The following TYW1B variants were observed in gnomAD, a reference collection of about 807,000 sequenced individuals.
TYW1B encodes the protein tRNA-yW synthesizing protein 1 homolog B, also known as S-adenosyl-L-methionine-dependent tRNA 4-demethylwyosine synthase TYW1B.
TYW1B carries 73 observed loss-of-function variants against 86.9 expected under a neutral mutation model. That is an observed-to-expected ratio of 0.84 (90% CI 0.70 to 1.02). The LOEUF is 1.02. Among genes scored for constraint, TYW1B ranks in the 50% least tolerant of loss-of-function variants. TYW1B has a pLI of 0.00. For missense variants in TYW1B, 637 were observed against 827.4 expected (o/e 0.77, Z 2.82); for synonymous variants, 248 against 292.8 (o/e 0.85, Z 1.56).
chr7:72,599,679 T>G (rs1811612706), intron 13 of TYW1B, among the ~76,000 whole-genome samples: 1 of 152,130 alleles, frequency 6.6e-6, no homozygotes, highest in Non-Finnish European at 1.5e-5. Flanking sequence ...AACAGGTGAT[T>G]ATAGCAAGGT....
chr7:72,721,255 T>C (rs1786895999), intron 9 of TYW1B, among the ~76,000 whole-genome samples: 1 of 152,216 alleles, frequency 6.6e-6, no homozygotes, highest in African/African-American at 2.4e-5. Flanking sequence ...CCTTTGGGTA[T>C]ACACCCAGTA....
chr7:72,688,706 G>C (rs1483020138), intron 11 of TYW1B, among the ~76,000 whole-genome samples: 2 of 152,064 alleles, frequency 1.3e-5, no homozygotes, highest in Admixed American at 6.6e-5. Flanking sequence ...ATGACTTTCC[G>C]ATCTACCCCG....
chr7:72,592,206 T>C (rs2129567844), intron 13 of TYW1B, among the ~76,000 whole-genome samples: 1 of 151,772 alleles, frequency 6.6e-6, no homozygotes, highest in Admixed American at 6.6e-5. Context: ...AGTTTATGTT[T>C]TGGGGCACAC....
chr7:72,616,965 A>C, intron 12 of TYW1B, 126 bp from the exon 13 acceptor site: 1 of 1,266,798 alleles, frequency 7.9e-7, no homozygotes. Context: ...ACAGTGAAGG[A>C]AGTGAATATA....
intron 8 of TYW1B, among the ~76,000 whole-genome samples, chr7:72,732,598 G>A (rs1342725753): frequency 6.6e-6 from 1 of 152,048 alleles, no homozygotes; most frequent in Non-Finnish European, 1.5e-5. Context: ...CAAAACTTAA[G>A]GGACAGAGCA....
chr7:72,645,730 C>A (rs1399440385), intron 11 of TYW1B, among the ~76,000 whole-genome samples: 2 of 151,966 alleles, frequency 1.3e-5, no homozygotes, highest in Non-Finnish European at 2.9e-5. Context: ...ATCTACCTTA[C>A]GGTGTTAGCA....
At chr7:72,784,467 T>C (rs1347035352) in intron 6 of TYW1B, among the ~76,000 whole-genome samples, 1 of 152,220 alleles carries the variant, frequency 6.6e-6, no homozygotes, top group African/African-American at 2.4e-5. Flanking sequence ...TTGAGTGAGA[T>C]AATCTAGTTA....
At chr7:72,766,278 C>T (rs1554468327) in intron 7 of TYW1B, among the ~76,000 whole-genome samples, 1 of 152,210 alleles carries the variant, frequency 6.6e-6, no homozygotes, top group East Asian at 1.9e-4. Context: ...ATTATGCAAA[C>T]TGACATTGTC....
chr7:72,687,810 T>A (rs1466672789), intron 11 of TYW1B, among the ~76,000 whole-genome samples: 5 of 151,972 alleles, frequency 3.3e-5, no homozygotes. Flanking sequence ...AATCCCAGCA[T>A]TTTGGGAGGC....
intron 13 of TYW1B, among the ~76,000 whole-genome samples, chr7:72,612,979 G>A (rs1172382564): frequency 6.6e-6 from 1 of 151,936 alleles, no homozygotes; most frequent in Non-Finnish European, 1.5e-5. Flanking sequence ...TTGAACTCCT[G>A]GGGTCAAGGG....
At chr7:72,666,590 C>T (rs1554445288) in intron 11 of TYW1B, among the ~76,000 whole-genome samples, 1 of 152,124 alleles carries the variant, frequency 6.6e-6, no homozygotes, top group Non-Finnish European at 1.5e-5. Context: ...ACTGGCTGAT[C>T]TAAGATGATG....
chr7:72,609,778 G>C (rs782396910), intron 13 of TYW1B, among the ~76,000 whole-genome samples: 4 of 152,108 alleles, frequency 2.6e-5, no homozygotes, highest in Admixed American at 6.6e-5. Flanking sequence ...TATAAGAATA[G>C]AGAGGCCATG....
At chr7:72,812,529 C>A (rs1374771564) in intron 3 of TYW1B, among the ~76,000 whole-genome samples, 11 of 152,052 alleles carry the variant, frequency 7.2e-5, no homozygotes, top group Non-Finnish European at 1.2e-4. Flanking sequence ...TCAAAGTTTG[C>A]TAATAATTTT....
At chr7:72,795,530 G>GT (rs1284000062) in intron 6 of TYW1B, among the ~76,000 whole-genome samples, 1 of 152,162 alleles carries the variant, frequency 6.6e-6, no homozygotes, top group Non-Finnish European at 1.5e-5. Context: ...GAGATGATGT[G>GT]TATGTGTCTT....
Position 72,800,918 on chromosome 7 carries a change from T to C in TYW1B, c.846+1482A>G, listed in dbSNP as rs556296006. ...ATTAAGAGAACTGATATGTTTACCA[T>C]TGAGTCACTCTACCTAAAACAAGGA... On this transcript the variant is annotated intron_variant, in intron 6 of 13. Coordinates refer to ENST00000620995, the MANE Select transcript of TYW1B (RefSeq NM_001145440.3). 1.1e-4 allele frequency among the ~76,000 whole-genome samples: 17 copies of C among 152,302 alleles called. No homozygotes were observed. In the South Asian group the frequency reaches 3.5e-3, roughly 32 times the overall value.
At chr7:72,704,053 T>A (rs1554453221) in intron 10 of TYW1B, among the ~76,000 whole-genome samples, 3 of 152,128 alleles carry the variant, frequency 2.0e-5, no homozygotes, top group African/African-American at 7.2e-5. Flanking sequence ...AGTCTGTCAT[T>A]CTTGAGACTA....
intron 6 of TYW1B, among the ~76,000 whole-genome samples, chr7:72,797,705 A>T (rs188377816): frequency 6.6e-6 from 1 of 152,328 alleles, no homozygotes; most frequent in Admixed American, 6.5e-5. Context: ...TGAAGGAGTG[A>T]GACCCTGTCT....
chr7:72,584,504 A>G (rs1178914775), intron 13 of TYW1B, among the ~76,000 whole-genome samples: 14 of 150,894 alleles, frequency 9.3e-5, no homozygotes, highest in African/African-American at 3.4e-4. Flanking sequence ...TGCCCAGGCT[A>G]GAGTGCAGTG....
At chr7:72,657,471 G>A (rs1251757465) in intron 11 of TYW1B, among the ~76,000 whole-genome samples, 1 of 152,114 alleles carries the variant, frequency 6.6e-6, no homozygotes, top group Non-Finnish European at 1.5e-5. Context: ...TTGAGAGAGA[G>A]ATATAGATAA....
Sources: gnomAD v4.1 joint callset for allele counts (sites outside exome capture counted in the v4.1 genomes callset) on GRCh38, gnomAD v4.1.1 for gene constraint, MANE v1.5 for transcripts, NCBI Gene and HGNC (gene_info 2026-07-23, HGNC 2026-07-21) for gene names.